The following NEK6 variants were observed in gnomAD, a reference collection of about 807,000 sequenced individuals.
NEK6 encodes NIMA related kinase 6, also known as serine/threonine-protein kinase Nek6.
In NEK6, 27 loss-of-function variants were observed where a neutral mutation model predicts 43.5. The observed-to-expected ratio is 0.62, with a 90% CI of 0.46 to 0.86. The LOEUF is 0.86. Ranked by LOEUF, NEK6 falls within the 40% of genes least tolerant of loss-of-function variation. The pLI, the probability that NEK6 is intolerant of heterozygous loss-of-function variation, is 0.00. For missense variants in NEK6, 318 were observed against 414.4 expected, an observed-to-expected ratio of 0.77 and a Z score of 2.02; for synonymous variants, 167 against 164.1, an observed-to-expected ratio of 1.02 and a Z score of -0.14.
At chr9:124,266,256 C>T (rs1831223296) in intron 1 of NEK6, among the ~76,000 whole-genome samples, 1 of 152,192 alleles carries the variant, frequency 6.6e-6, no homozygotes, top group Admixed American at 6.5e-5. Context: ...TCTAATCTAA[C>T]CCTTAACCTG....
chr9:124,322,195 C>G (rs1449936254), intron 5 of NEK6, among the ~76,000 whole-genome samples: 1 of 152,182 alleles, frequency 6.6e-6, no homozygotes, highest in Admixed American at 6.5e-5. Context: ...CTCCCCAGCC[C>G]TAGAGGGGGA....
At chr9:124,303,009 C>T (rs1304224939) in intron 2 of NEK6, among the ~76,000 whole-genome samples, 1 of 152,230 alleles carries the variant, frequency 6.6e-6, no homozygotes, top group Admixed American at 6.5e-5. Context: ...ACGGAGCACA[C>T]AGCCTCATGG....
At chr9:124,294,857 G>T (rs1040710679) in intron 1 of NEK6, among the ~76,000 whole-genome samples, 4 of 152,248 alleles carry the variant, frequency 2.6e-5, no homozygotes, top group Non-Finnish European at 2.9e-5. Flanking sequence ...CTGCAGGGGA[G>T]TGTGGAGGCT....
Position 124,321,539 on chromosome 9 carries a change from TGACGCAG to T in NEK6, c.377_383del (p.Asp126GlyfsTer6). 1 of 1,613,692 alleles carries T rather than the reference TGACGCAG, an allele frequency of 6.2e-7. No individual in the cohort carries two copies. Among genetic ancestry groups the T allele is most frequent in the Non-Finnish European group, 8.5e-7 (1 of 1,179,544 alleles). On this transcript the variant is annotated frameshift_variant, in exon 5 of 10. Coordinates refer to ENST00000320246, the MANE Select transcript of NEK6 (RefSeq NM_014397.6). LOFTEE classifies it high-confidence loss of function. ...AGCTGAACATTGTGCTGGAGTTGGC[TGACGCAG>T]GGGACCTCTCGCAGATGATCAAGGT...
intron 5 of NEK6, among the ~76,000 whole-genome samples, chr9:124,322,292 G>A (rs535582558): frequency 1.3e-5 from 2 of 152,208 alleles, no homozygotes; most frequent in Admixed American, 1.3e-4. Context: ...CAGGCTCAGC[G>A]CCAGGACTGG....
upstream of NEK6, chr9:124,257,825 G>T (rs2118823679): frequency 8.5e-7 from 1 of 1,172,782 alleles, no homozygotes. Flanking sequence ...CCAGGCCCAG[G>T]AAGGACGCCG....
intron 5 of NEK6, among the ~76,000 whole-genome samples, chr9:124,325,276 C>T (rs1834278652): frequency 6.6e-6 from 1 of 152,226 alleles, no homozygotes; most frequent in Non-Finnish European, 1.5e-5. Flanking sequence ...AGTTTCGTTT[C>T]CCTGTCTGTA....
chr9:124,342,309 T>G (rs1310850407), intron 8 of NEK6, among the ~76,000 whole-genome samples: 1 of 152,182 alleles, frequency 6.6e-6, no homozygotes, highest in Non-Finnish European at 1.5e-5. Flanking sequence ...CGCAGCATAG[T>G]GGATGGTCGG....
intron 1 of NEK6, among the ~76,000 whole-genome samples, chr9:124,268,702 G>A (rs1008449101): frequency 2.6e-5 from 4 of 152,288 alleles, no homozygotes; most frequent in Non-Finnish European, 4.4e-5. Flanking sequence ...TGAGAACAAG[G>A]CATCCCCTTC....
At chr9:124,337,384 C>T (rs1460798346) in intron 7 of NEK6, among the ~76,000 whole-genome samples, 1 of 152,204 alleles carries the variant, frequency 6.6e-6, no homozygotes, top group African/African-American at 2.4e-5. Flanking sequence ...ACCATTAACA[C>T]CTTTTTCCTC....
intron 1 of NEK6, among the ~76,000 whole-genome samples, chr9:124,287,797 C>G (rs1005164431): frequency 9.9e-5 from 15 of 152,192 alleles, no homozygotes; most frequent in African/African-American, 3.4e-4. Flanking sequence ...TGCACTCCAG[C>G]CTAGGTGACA....
At chr9:124,268,762 CAG>C (rs1407374847) in intron 1 of NEK6, among the ~76,000 whole-genome samples, 1 of 152,186 alleles carries the variant, frequency 6.6e-6, no homozygotes, top group East Asian at 1.9e-4. Flanking sequence ...CATTTTGAGA[CAG>C]AATGTGAGAT....
intron 2 of NEK6, among the ~76,000 whole-genome samples, chr9:124,310,718 C>T (rs182301927): frequency 6.6e-6 from 1 of 152,336 alleles, no homozygotes; most frequent in East Asian, 1.9e-4. Context: ...CTGCCTCGGC[C>T]TCCCAAATGG....
chr9:124,349,987 G>A (rs189982394), intron 9 of NEK6, among the ~76,000 whole-genome samples: 27 of 152,340 alleles, frequency 1.8e-4, no homozygotes, highest in Non-Finnish European at 3.1e-4. Context: ...TCAGCCTAAC[G>A]GGCCTGCGCA....
intron 7 of NEK6, among the ~76,000 whole-genome samples, chr9:124,334,966 A>G (rs1829213332): frequency 6.6e-6 from 1 of 152,182 alleles, no homozygotes; most frequent in Non-Finnish European, 1.5e-5. Context: ...AGGGTCAGAC[A>G]GGAAGGGGCT....
chr9:124,309,368 G>A (rs1833421755), intron 2 of NEK6, among the ~76,000 whole-genome samples: 1 of 152,248 alleles, frequency 6.6e-6, no homozygotes. Flanking sequence ...GCTGCACGGT[G>A]TAGCCTCCCA....
At chr9:124,257,934 C>G (rs2118824511), upstream of NEK6, 1 of 975,818 alleles carries the variant, frequency 1.0e-6, no homozygotes, top group Non-Finnish European at 1.2e-6. Flanking sequence ...CGCGCGGGCG[C>G]GCGGGCCCGC....
chr9:124,259,830 A>G (rs971269688), intron 1 of NEK6, among the ~76,000 whole-genome samples: 1 of 152,216 alleles, frequency 6.6e-6, no homozygotes, highest in African/African-American at 2.4e-5. Context: ...GTATCTCCAC[A>G]AAATAAAGTC....
At position 124,326,490 on chromosome 9, in the gene NEK6, C is replaced by T. The variant is rs757436856; in HGVS notation, c.514+52C>T. 1.5e-6 allele frequency: 2 copies of T among 1,360,348 alleles called. No homozygotes were observed. Among genetic ancestry groups the T allele is most frequent in the South Asian group, 1.2e-5 (1 of 86,074 alleles). The allele number at this position is 1,360,348 out of a possible 1,614,324, so 84.3% of individuals were successfully genotyped here. A position where few individuals can be genotyped will look rare whatever the true frequency, so the allele number is the denominator to read the frequency against. ...CGGAGCCACCTGGAGCCCAGGAAGA[C>T]ACTTCCTCATGGCTCCTCCAGGGTC... On this transcript the variant is annotated intron_variant, in intron 6 of 9. Transcript: ENST00000320246. This position sits in a 1 kb window ranked among gnomAD's most constrained non-coding sequence, Gnocchi z 4.5.
Sources: gnomAD v4.1 joint callset for allele counts (sites outside exome capture counted in the v4.1 genomes callset) on GRCh38, gnomAD v4.1.1 for gene constraint, Gnocchi (gnomAD v3.1) non-coding constraint, MANE v1.5 for transcripts, NCBI Gene and HGNC (gene_info 2026-07-23, HGNC 2026-07-21) for gene names.